Variants in KCNN1 observed in about 807,000 individuals in gnomAD.
The protein encoded by KCNN1 is potassium calcium-activated channel subfamily N member 1, also known as small conductance calcium-activated potassium channel protein 1.
In KCNN1, 20 loss-of-function variants were observed where a neutral mutation model predicts 44.7. The observed-to-expected ratio is 0.45, with a 90% CI of 0.32 to 0.65. The LOEUF is 0.65. Among genes scored for constraint, KCNN1 ranks in the 30% least tolerant of loss-of-function variants. KCNN1 has a pLI of 0.05. For synonymous variants in KCNN1, 324 were observed against 341.7 expected (o/e 0.95, Z 0.57); for missense variants, 632 against 785.3 (o/e 0.80, Z 2.33).
upstream of KCNN1, among the ~76,000 whole-genome samples, chr19:17,965,582 G>A (rs1965722431): frequency 6.6e-6 from 1 of 152,132 alleles, no homozygotes; most frequent in African/African-American, 2.4e-5. Flanking sequence ...GCTGGAGGTT[G>A]GAGTGCTGGT....
intron 9 of KCNN1, among the ~76,000 whole-genome samples, chr19:17,996,439 C>T (rs1233427628): frequency 1.3e-5 from 2 of 152,008 alleles, no homozygotes; most frequent in African/African-American, 4.8e-5. Context: ...AACTTTGTCT[C>T]CACTAAAAAT....
chr19:17,994,314 G>T (rs1023241445), intron 9 of KCNN1, among the ~76,000 whole-genome samples: 1 of 151,936 alleles, frequency 6.6e-6, no homozygotes, highest in Non-Finnish European at 1.5e-5. Flanking sequence ...AGGCATGGTG[G>T]TGAGTGCCTG....
chr19:17,966,714 C>G (rs1231030485), upstream of KCNN1, among the ~76,000 whole-genome samples: 4 of 152,176 alleles, frequency 2.6e-5, no homozygotes, highest in Non-Finnish European at 5.9e-5. Flanking sequence ...AGAGCTAGAC[C>G]CCGGAGGAGG....
chr19:17,986,087 C>G (rs149876197), intron 5 of KCNN1, among the ~76,000 whole-genome samples: 1 of 152,058 alleles, frequency 6.6e-6, no homozygotes, highest in Non-Finnish European at 1.5e-5. Flanking sequence ...CAAAAATAGC[C>G]GGGAGTGGTG....
chr19:17,989,599 G>A, intron 6 of KCNN1, 117 bp from the exon 7 acceptor site: 1 of 1,455,984 alleles, frequency 6.9e-7, no homozygotes, highest in South Asian at 1.2e-5. Context: ...TTATAGCCCA[G>A]GGACCCTGAG....
intron 4 of KCNN1, chr19:17,982,714 C>T (rs9676756): frequency 2.0e-6 from 1 of 510,986 alleles, no homozygotes; most frequent in Non-Finnish European, 2.5e-6. Context: ...CGGGGTGGGT[C>T]GGGGTAAGTC....
Position 17,974,047 on chromosome 19 carries a change from G to A in KCNN1, c.159G>A (p.Arg53=), listed in dbSNP as rs1432511465. The part of the protein sequence containing the change: ...QVVVAKSEPA[R]PSPGSPRGQP... ...TAGTGGCCAAGAGTGAGCCAGCCCG[G>A]CCCTCACCCGGCAGCCCCCGGGGGC... The change falls in exon 2 of 10, where the codon CGG becomes CGA. Residue 53 remains arginine, a synonymous_variant. Coordinates refer to ENST00000684775, the MANE Select transcript of KCNN1 (RefSeq NM_001386974.1). The surrounding 1 kb of genome is among the most constrained non-coding windows in gnomAD (Gnocchi z 7.3). The A allele has an allele frequency of 6.2e-7, 1 of 1,610,158 alleles. No homozygotes were observed. The highest frequency in any genetic ancestry group is 8.5e-7 in the Non-Finnish European group (1 of 1,179,168).
chr19:17,968,870 T>A (rs2145916867), intron 1 of KCNN1, among the ~76,000 whole-genome samples: 1 of 152,236 alleles, frequency 6.6e-6, no homozygotes, highest in African/African-American at 2.4e-5. Context: ...ATGTTTGTTG[T>A]TTGTTAGAGA....
Position 17,959,760 on chromosome 19 carries a change from C to T in KCNN1, c.-82+5079C>T, listed in dbSNP as rs376242318. On this transcript the variant is annotated intron_variant, in intron 2 of 10. Transcript: ENST00000222249. ...GGGGGGCTCTGGGGGAGGTTACACC[C>T]GAGTGAAAGAGTTCAAGAGGTGCTT... is the stretch of plus-strand genomic sequence containing the variant. 2.3e-3 allele frequency among the ~76,000 whole-genome samples: 357 copies of T among 152,070 alleles called. 4 individuals carry two copies. Among genetic ancestry groups the T allele is most frequent in the South Asian group, 8.5e-3 (41 of 4,820 alleles).
At chr19:17,964,744 G>A (rs752964491), upstream of KCNN1, among the ~76,000 whole-genome samples, 20 of 152,182 alleles carry the variant, frequency 1.3e-4, no homozygotes, top group Non-Finnish European at 2.2e-4. This position sits in a 1 kb window ranked among gnomAD's most constrained non-coding sequence, Gnocchi z 4.3. Context: ...TGACTCAGGT[G>A]GGAGGCAAGG....
chr19:17,955,576 A>AG (rs892381287), intron 2 of KCNN1, among the ~76,000 whole-genome samples: 5 of 149,162 alleles, frequency 3.4e-5, no homozygotes, highest in Non-Finnish European at 7.4e-5. Flanking sequence ...AAAAAAAAAA[A>AG]AAAGAAAGAA....
chr19:17,976,956 A>T (rs1046991771), intron 3 of KCNN1, among the ~76,000 whole-genome samples: 2 of 151,906 alleles, frequency 1.3e-5, no homozygotes, highest in Non-Finnish European at 2.9e-5. Flanking sequence ...CCTCAGGGTG[A>T]TCCTCCCACC....
intron 3 of KCNN1, among the ~76,000 whole-genome samples, chr19:17,980,748 A>T (rs959917006): frequency 2.0e-5 from 3 of 151,682 alleles, no homozygotes; most frequent in Non-Finnish European, 4.4e-5. Flanking sequence ...CAGGAAATTT[A>T]AAAAATTAGC....
chr19:17,970,289 A>ATTTTTTTTTTTTT (rs71164333), intron 1 of KCNN1, among the ~76,000 whole-genome samples: 3 of 56,864 alleles, frequency 5.3e-5, no homozygotes, highest in Admixed American at 2.8e-4. Context: ...AGAAGGAATG[A>ATTTTTTTTTTTTT]TTTTTTTTTT....
chr19:17,989,692 G>GAATT (rs1568458902), intron 6 of KCNN1, 24 bp from the exon 7 acceptor site: 1 of 1,613,416 alleles, frequency 6.2e-7, no homozygotes, highest in East Asian at 2.2e-5. Context: ...CAACCCTGAG[G>GAATT]AATTGTTCTT....
chr19:17,973,253 C>T (rs2032085006), intron 1 of KCNN1, among the ~76,000 whole-genome samples: 1 of 152,066 alleles, frequency 6.6e-6, no homozygotes, highest in African/African-American at 2.4e-5. Context: ...CAAGTGTGCA[C>T]CACTGGGCCC....
chr19:17,955,037 CA>C (rs34300645), intron 2 of KCNN1, among the ~76,000 whole-genome samples: 3,027 of 96,622 alleles, frequency 0.031, 22 homozygotes, highest in Non-Finnish European at 0.045. Flanking sequence ...AGCTCTGTTT[CA>C]AAAAAAAAAA....
rs576655541 is a variant in KCNN1, at chr19:17,981,810, G to A, written c.600G>A (p.Pro200=). ...AGCTGGCAGTGTGCGCCATTCACCC[G>A]GTGCCCGGCCACTACCGCTTCACGT... ...SLELAVCAIH[P]VPGHYRFTWT... Residue 200 remains proline (P), a synonymous_variant, in exon 4 of 10, where the codon CCG becomes CCA. Transcript: ENST00000684775. The A allele has an allele frequency of 7.4e-6, 12 of 1,613,058 alleles. No individual in the cohort carries two copies. Among genetic ancestry groups the A allele is most frequent in the Admixed American group, 5.0e-5 (3 of 59,940 alleles).
chr19:17,977,427 G>A (rs1251248750), intron 3 of KCNN1, among the ~76,000 whole-genome samples: 2 of 151,250 alleles, frequency 1.3e-5, no homozygotes, highest in Non-Finnish European at 2.9e-5. Flanking sequence ...CTGCAGCCTC[G>A]ACATCCTGGG....
Sources: allele counts gnomAD v4.1 joint callset (sites outside exome capture counted in the v4.1 genomes callset), GRCh38; gene constraint gnomAD v4.1.1; non-coding constraint Gnocchi (gnomAD v3.1); transcripts MANE v1.5; gene names NCBI Gene and HGNC (gene_info 2026-07-23, HGNC 2026-07-21).